Variants in PHF3 observed in about 807,000 individuals in gnomAD.
PHF3 encodes PHD finger protein 3.
A neutral mutation model predicts 178.4 loss-of-function variants in PHF3; 41 were observed. The observed-to-expected ratio is 0.23, with a 90% CI of 0.18 to 0.30. PHF3 has a LOEUF of 0.30. Among genes scored for constraint, PHF3 ranks in the 10% least tolerant of loss-of-function variants. The pLI is 1.00. For synonymous variants in PHF3, 842 were observed against 800.5 expected (o/e 1.05, Z -0.88); for missense variants, 2,346 against 2,398.1 (o/e 0.98, Z 0.45).
At chr6:63,659,982 G>A (rs1450792705) in intron 2 of PHF3, among the ~76,000 whole-genome samples, 2 of 151,900 alleles carry the variant, frequency 1.3e-5, no homozygotes, top group East Asian at 1.9e-4. Flanking sequence ...GCTCTAAATC[G>A]GTTCTCAGAT....
intron 2 of PHF3, among the ~76,000 whole-genome samples, chr6:63,650,168 C>A (rs540418720): frequency 1.3e-5 from 2 of 152,182 alleles, no homozygotes; most frequent in East Asian, 3.9e-4. Context: ...AACAGACATA[C>A]TGTAGAAACA....
chr6:63,694,950 G>A (rs1446658713), intron 6 of PHF3, among the ~76,000 whole-genome samples, 186 bp downstream of exon 6: 1 of 152,064 alleles, frequency 6.6e-6, no homozygotes, highest in Non-Finnish European at 1.5e-5. Context: ...CTAAATTCTG[G>A]GGAAGCGCTA....
chr6:63,674,317 T>TATGTGTGTGTATATATACACACACAC (rs1766070008), intron 2 of PHF3, among the ~76,000 whole-genome samples: 1 of 149,472 alleles, frequency 6.7e-6, no homozygotes, highest in Non-Finnish European at 1.5e-5. Context: ...CACACACATA[T>TATGTGTGTGTATATATACACACACAC]ATATGGTGTA....
At chr6:63,700,281 T>C in intron 8 of PHF3, 69 bp from the exon 9 acceptor site, 1 of 635,852 alleles carries the variant, frequency 1.6e-6, no homozygotes, top group African/African-American at 1.8e-5. Context: ...ATCTTTATTA[T>C]AAATTTCTGT....
chr6:63,695,481 G>T (rs1767193925), intron 6 of PHF3, among the ~76,000 whole-genome samples: 1 of 152,140 alleles, frequency 6.6e-6, no homozygotes, highest in Non-Finnish European at 1.5e-5. Context: ...ATTCTTTGTG[G>T]ATTGTAATTA....
chr6:63,701,732 CTTA>C (rs1168112618), intron 9 of PHF3, among the ~76,000 whole-genome samples: 1 of 152,140 alleles, frequency 6.6e-6, no homozygotes, highest in African/African-American at 2.4e-5. Context: ...TTCTCCTCCT[CTTA>C]TATTTTGAAA....
rs1209428912 is a variant in PHF3 at position 63,635,851 on chromosome 6, A to C, written c.-325A>C. 5.0e-6 allele frequency: 2 copies of C among 396,496 alleles called. No homozygotes were observed. Among genetic ancestry groups the C allele is most frequent in the Non-Finnish European group, 8.9e-6 (2 of 224,758 alleles). The allele number at this position is 396,496 out of a possible 1,614,324, so 24.6% of individuals were successfully genotyped here. A position where few individuals can be genotyped will look rare whatever the true frequency, so the allele number is the denominator to read the frequency against. ...TCTCCAGCTCCCGCGCCGCCGCCGC[A>C]CGCCGATGGCTGCGGGGTCTCGCGC... On this transcript the variant is annotated 5_prime_UTR_variant, in exon 1 of 16. Transcript: ENST00000262043.
chr6:63,691,706 G>T (rs1394703284), intron 4 of PHF3, 31 bp from the exon 5 acceptor site: 2 of 1,512,718 alleles, frequency 1.3e-6, no homozygotes, highest in Non-Finnish European at 1.8e-6. Flanking sequence ...TAAAAAAAGG[G>T]ATAAAAGTTT....
chr6:63,699,174 C>T (rs1304421819), intron 8 of PHF3, among the ~76,000 whole-genome samples: 1 of 152,094 alleles, frequency 6.6e-6, no homozygotes, highest in African/African-American at 2.4e-5. Flanking sequence ...AATCTAAAGG[C>T]TGTGCATGTG....
intron 2 of PHF3, among the ~76,000 whole-genome samples, chr6:63,667,195 A>G (rs957017503): frequency 1.5e-4 from 23 of 152,214 alleles, no homozygotes; most frequent in African/African-American, 5.3e-4. Flanking sequence ...TGAAGAACCC[A>G]TGGATTTGGA....
chr6:63,672,161 G>A (rs1455088689), intron 2 of PHF3, among the ~76,000 whole-genome samples: 8 of 152,146 alleles, frequency 5.3e-5, no homozygotes, highest in South Asian at 2.1e-4. Flanking sequence ...GTTTTTTACC[G>A]AACCAAGTCT....
chr6:63,660,435 G>A (rs1411957750), intron 2 of PHF3, among the ~76,000 whole-genome samples: 1 of 151,678 alleles, frequency 6.6e-6, no homozygotes, highest in African/African-American at 2.4e-5. Context: ...TAATTTTTTT[G>A]TACAAATTAG....
Position 63,635,896 on chromosome 6 carries a change from G to T in PHF3, c.-280G>T. On this transcript the variant is annotated 5_prime_UTR_variant, in exon 1 of 16. Coordinates refer to ENST00000262043, the MANE Select transcript of PHF3 (RefSeq NM_001370348.2). ...TCGCGCCGTCGCACCGTCCCCACGC[G>T]GCAAGCGACCTTCGGGCTCAGGGCG... 2.5e-6 allele frequency: 1 copy of T among 397,858 alleles called. No homozygotes were observed. The highest frequency in any genetic ancestry group is 3.6e-5 in the East Asian group (1 of 28,008). 24.6% of individuals were successfully genotyped at this position (397,858 alleles called of 1,614,324 possible).
Position 63,684,713 on chromosome 6 carries a change from G to A in PHF3, c.991G>A (p.Glu331Lys). 1 of 1,613,722 alleles carries A rather than the reference G, an allele frequency of 6.2e-7. No individual in the cohort carries two copies. ...AAAGGAGACAGTAAAATTATCCCAT[G>A]AAGATGACCATATTCTTGAGGACGC... ...DSKETVKLSH[E>K]DDHILEDAGS... The change falls in exon 4 of 16, where the codon GAA (glutamate) becomes AAA (lysine). Residue 331 changes from glutamate to lysine, a missense_variant. Transcript: ENST00000262043.
rs1248507329 is a variant in PHF3 at position 63,721,156 on chromosome 6, A to G, written c.*7448A>G. On this transcript the variant is annotated 3_prime_UTR_variant, in exon 16 of 16. Coordinates refer to ENST00000262043, the MANE Select transcript of PHF3 (RefSeq NM_001370348.2). The stretch of plus-strand genomic sequence containing the variant: ...TATTTAATGTAAGAATTACCCATAA[A>G]TTTTGCAGTTGAAAATGAAGTTTTG... 1.9e-6 allele frequency: 3 copies of G among 1,551,468 alleles called. No homozygotes were observed. The highest frequency in any genetic ancestry group is 3.9e-5 in the Admixed American group (2 of 50,960).
rs1232358228 is a variant in PHF3 at position 63,718,628 on chromosome 6, T to G, written c.*4920T>G. ...AGTATGTCATTTTATTTGAAATATA[T>G]GAAGAAAATCTGGCTATATGTGCAT... On this transcript the variant is annotated 3_prime_UTR_variant, in exon 16 of 16. Coordinates refer to ENST00000262043, the MANE Select transcript of PHF3 (RefSeq NM_001370348.2). 2.0e-5 allele frequency among the ~76,000 whole-genome samples: 3 copies of G among 152,026 alleles called. No homozygotes were observed. The highest frequency in any genetic ancestry group is 4.4e-5 in the Non-Finnish European group (3 of 67,954).
intron 6 of PHF3, among the ~76,000 whole-genome samples, chr6:63,696,922 G>GA (rs1227828419): frequency 6.6e-6 from 1 of 152,142 alleles, no homozygotes; most frequent in Non-Finnish European, 1.5e-5. Flanking sequence ...TGGAGACGTT[G>GA]ATTACAGATA....
intron 1 of PHF3, among the ~76,000 whole-genome samples, chr6:63,639,780 A>G (rs543064479): frequency 2.8e-4 from 43 of 152,332 alleles, no homozygotes; most frequent in African/African-American, 9.4e-4. Flanking sequence ...AGGGCCTGGC[A>G]TATAGTGTGT....
In PHF3 at chr6:63,718,119, T is replaced by A. The variant is rs190797052; in HGVS notation, c.*4411T>A. Among the ~76,000 whole-genome samples, 1 of 152,168 alleles carries A rather than the reference T, an allele frequency of 6.6e-6. No individual in the cohort carries two copies. The highest frequency in any genetic ancestry group is 2.4e-5 in the African/African-American group (1 of 41,564). ...GGATTTTAAGGTGAAAAATATATTT[T>A]CAAGTCATTTTGATTTATAGGAGAA... On this transcript the variant is annotated 3_prime_UTR_variant, in exon 16 of 16. Transcript: ENST00000262043.
Sources: gnomAD v4.1 joint callset for allele counts (sites outside exome capture counted in the v4.1 genomes callset) on GRCh38, gnomAD v4.1.1 for gene constraint, MANE v1.5 for transcripts, NCBI Gene and HGNC (gene_info 2026-07-23, HGNC 2026-07-21) for gene names.